ADIPOQ: variants seen among roughly 807,000 people sequenced by gnomAD.
The protein encoded by ADIPOQ is adiponectin, C1Q and collagen domain containing.
In ADIPOQ, 19 loss-of-function variants were observed where a neutral mutation model predicts 16.1. The ratio of observed to expected loss-of-function variants is 1.18; its 90% CI spans 0.82 to 1.73. The LOEUF is 1.73. Ranked by LOEUF, ADIPOQ falls within the 40% of genes most tolerant of loss-of-function variation. The probability of loss-of-function intolerance (pLI) is 0.00; values close to 1 mark genes in which losing one functional copy is unlikely to be tolerated. For missense variants in ADIPOQ, 323 were observed against 308.3 expected (o/e 1.05, Z -0.36); for synonymous variants, 124 against 125.5 (o/e 0.99, Z 0.08).
Position 186,857,402 on chromosome 3 carries a change from T to C in ADIPOQ, c.*2698T>C, listed in dbSNP as rs1306494849. On this transcript the variant is annotated 3_prime_UTR_variant, in exon 3 of 3. Coordinates refer to ENST00000320741, the MANE Select transcript of ADIPOQ (RefSeq NM_004797.4). ...CACAACAAACTCTTAATGCTGTGTT[T>C]GAGCTTTCATGAGTTTCCCAGAGAG... The C allele has an allele frequency of 6.6e-6, 1 of 152,238 alleles. No homozygotes were observed. The highest frequency in any genetic ancestry group is 1.5e-5 in the Non-Finnish European group (1 of 68,040). The allele number at this position is 152,238 out of a possible 1,614,324, so 9.4% of individuals were successfully genotyped here. A position where few individuals can be genotyped will look rare whatever the true frequency, so the allele number is the denominator to read the frequency against.
chr3:186,845,162 G>A (rs1370712913), intron 1 of ADIPOQ, among the ~76,000 whole-genome samples: 1 of 151,642 alleles, frequency 6.6e-6, no homozygotes, highest in African/African-American at 2.4e-5. Context: ...GTGGGTGTGC[G>A]CGTGCATAGG....
intron 1 of ADIPOQ, among the ~76,000 whole-genome samples, chr3:186,844,754 T>TG (rs924740952): frequency 5.9e-5 from 9 of 151,936 alleles, no homozygotes; most frequent in East Asian, 3.9e-4. Context: ...CTATATTGGC[T>TG]GGGGGGCCTC....
rs1711928745 is a variant in ADIPOQ, at chr3:186,854,678, T to G, written c.709T>G (p.Phe237Val). 1 of 1,614,180 alleles carries G rather than the reference T, an allele frequency of 6.2e-7. No homozygotes were observed. The highest frequency in any genetic ancestry group is 2.2e-5 in the East Asian group (1 of 44,878). ...TGACAATGACTCCACCTTCACAGGC[T>G]TTCTTCTCTACCATGACACCAACTG... The part of the protein sequence containing the change: ...DNDNDSTFTG[F>V]LLYHDTN Residue 237 changes from phenylalanine to valine, a missense_variant, in exon 3 of 3, where the codon TTT becomes GTT. By Grantham distance (50) the Phe-to-Val change is conservative (BLOSUM62 -1). Transcript: ENST00000320741.
chr3:186,854,390 A>G lies in ADIPOQ; in HGVS notation c.421A>G (p.Asn141Asp), dbSNP rs2108492146. Residue 141 changes from asparagine (N) to aspartate (D), a missense_variant, in exon 3 of 3, where the codon AAC (asparagine) becomes GAC (aspartate). Asn to Asp is a conservative substitution (Grantham distance 23, BLOSUM62 1). Transcript: ENST00000320741. ...RFTKIFYNQQ[N>D]HYDGSTGKFH... ...TACCAAGATCTTCTACAATCAGCAA[A>G]ACCACTATGATGGCTCCACTGGTAA... 6.2e-7 allele frequency: 1 copy of G among 1,614,130 alleles called. No homozygotes were observed. The highest frequency in any genetic ancestry group is 1.6e-4 in the Middle Eastern group (1 of 6,062).
At chr3:186,851,861 T>TA (rs1711778003) in intron 1 of ADIPOQ, 1 of 131,678 alleles carries the variant, frequency 7.6e-6, no homozygotes, top group Non-Finnish European at 1.7e-5. Context: ...CACACTGCTG[T>TA]AAAAAACTAC....
intron 1 of ADIPOQ, among the ~76,000 whole-genome samples, chr3:186,843,917 C>G (rs1711513262): frequency 6.6e-6 from 1 of 152,002 alleles, no homozygotes; most frequent in Non-Finnish European, 1.5e-5. Context: ...TTAGGTCTGC[C>G]CCTCTTGTGT....
chr3:186,848,478 G>A (rs1711645940), intron 1 of ADIPOQ, among the ~76,000 whole-genome samples: 2 of 152,104 alleles, frequency 1.3e-5, no homozygotes, highest in Admixed American at 6.6e-5. Flanking sequence ...CTTCCAAATC[G>A]GTGAGCTTTC....
rs1351333805 is a variant in ADIPOQ, at chr3:186,856,643, G to C, written c.*1939G>C. On this transcript the variant is annotated 3_prime_UTR_variant, in exon 3 of 3. Transcript: ENST00000320741. ...ATTTTTGTATTTTTAGTAAAGACAG[G>C]GTTTCACCATATTGGCCAGGCTGGT... 2 of 152,008 alleles carry C rather than the reference G, an allele frequency of 1.3e-5. No homozygotes were observed. Among genetic ancestry groups the C allele is most frequent in the African/African-American group, 4.8e-5 (2 of 41,386 alleles). The allele number at this position is 152,008 out of a possible 1,614,324, so 9.4% of individuals were successfully genotyped here.
chr3:186,849,578 A>T (rs1711679400), intron 1 of ADIPOQ, among the ~76,000 whole-genome samples: 1 of 152,148 alleles, frequency 6.6e-6, no homozygotes. Context: ...CATATAAATG[A>T]TGGTAGTGGG....
chr3:186,857,811 T>C lies in ADIPOQ; in HGVS notation c.*3107T>C, dbSNP rs1053138229. 1.3e-5 allele frequency: 2 copies of C among 152,236 alleles called. No individual in the cohort carries two copies. The highest frequency in any genetic ancestry group is 4.1e-4 in the South Asian group (2 of 4,832). 9.4% of individuals were successfully genotyped at this position (152,236 alleles called of 1,614,324 possible). ...TGGTGCATTTACTCTCTTATCATTA[T>C]GTAATGTCCTTCTTTATCTGTGATA... On this transcript the variant is annotated 3_prime_UTR_variant, in exon 3 of 3. Coordinates refer to ENST00000320741, the MANE Select transcript of ADIPOQ (RefSeq NM_004797.4).
intron 2 of ADIPOQ, among the ~76,000 whole-genome samples, chr3:186,853,565 T>G (rs1711867345): frequency 6.6e-6 from 1 of 152,204 alleles, no homozygotes; most frequent in African/African-American, 2.4e-5. Context: ...TCTTTCTGTC[T>G]GCTTAACTTC....
At chr3:186,848,536 T>C (rs1001383146) in intron 1 of ADIPOQ, among the ~76,000 whole-genome samples, 3 of 152,188 alleles carry the variant, frequency 2.0e-5, no homozygotes, top group African/African-American at 7.2e-5. Context: ...CTTCTCAGAC[T>C]CAGCTTCCTA....
Position 186,853,334 on chromosome 3 carries a change from G to C in ADIPOQ, c.214+62G>C, listed in dbSNP as rs1501299. 55 of 1,525,568 alleles carry C rather than the reference G, an allele frequency of 3.6e-5. 1 individual carries two copies. Among genetic ancestry groups the C allele is most frequent in the Non-Finnish European group, 2.7e-6 (3 of 1,123,922 alleles). The allele number at this position is 1,525,568 out of a possible 1,614,324, so 94.5% of individuals were successfully genotyped here. A position where few individuals can be genotyped will look rare whatever the true frequency, so the allele number is the denominator to read the frequency against. Reference sequence around the variant, plus strand: ...CTACACTGATATAAACTATATGAAGGCATTCATTATTAACTAAGGCCTAGA... The same window carrying C: ...CTACACTGATATAAACTATATGAAGCCATTCATTATTAACTAAGGCCTAGA... On this transcript the variant is annotated intron_variant, in intron 2 of 2. Coordinates refer to ENST00000320741, the MANE Select transcript of ADIPOQ (RefSeq NM_004797.4).
intron 1 of ADIPOQ, among the ~76,000 whole-genome samples, chr3:186,844,413 G>A (rs1470007298): frequency 6.6e-6 from 1 of 151,512 alleles, no homozygotes; most frequent in East Asian, 1.9e-4. Flanking sequence ...CCAAAGTGCT[G>A]GTATTACAGG....
At chr3:186,846,606 C>T (rs575205903) in intron 1 of ADIPOQ, among the ~76,000 whole-genome samples, 33 of 152,262 alleles carry the variant, frequency 2.2e-4, no homozygotes, top group Middle Eastern at 3.4e-3. Context: ...TTCCCCCACA[C>T]GGCTCTGCCT....
Position 186,856,103 on chromosome 3 carries a change from A to C in ADIPOQ, c.*1399A>C, listed in dbSNP as rs1178190109. On this transcript the variant is annotated 3_prime_UTR_variant, in exon 3 of 3. Coordinates refer to ENST00000320741, the MANE Select transcript of ADIPOQ (RefSeq NM_004797.4). ...AACACGTCCAGAATTTTTCATCAAG[A>C]AGGTAGCTTGAGCCTGAAATGCAAA... 1 of 152,220 alleles carries C rather than the reference A, an allele frequency of 6.6e-6. No individual in the cohort carries two copies. Among genetic ancestry groups the C allele is most frequent in the Admixed American group, 6.5e-5 (1 of 15,288 alleles). 9.4% of individuals were successfully genotyped at this position (152,220 alleles called of 1,614,324 possible). A position where few individuals can be genotyped will look rare whatever the true frequency, so the allele number is the denominator to read the frequency against.
Position 186,855,978 on chromosome 3 carries a change from A to G in ADIPOQ, c.*1274A>G, listed in dbSNP as rs548480496. On this transcript the variant is annotated 3_prime_UTR_variant, in exon 3 of 3. Transcript: ENST00000320741. Reference sequence around the variant, plus strand: ...TGTAATCAGTTTTATCCACAGAAACATTTTCATTTTAGGAAATCCCTGGTT... The same window carrying G: ...TGTAATCAGTTTTATCCACAGAAACGTTTTCATTTTAGGAAATCCCTGGTT... 1 of 152,354 alleles carries G rather than the reference A, an allele frequency of 6.6e-6. No homozygotes were observed. Among genetic ancestry groups the G allele is most frequent in the East Asian group, 1.9e-4 (1 of 5,188 alleles). 9.4% of individuals were successfully genotyped at this position (152,354 alleles called of 1,614,324 possible). A position where few individuals can be genotyped will look rare whatever the true frequency, so the allele number is the denominator to read the frequency against.
intron 1 of ADIPOQ, chr3:186,845,602 C>T (rs534011988): frequency 6.6e-6 from 1 of 152,118 alleles, no homozygotes; most frequent in South Asian, 2.1e-4. Flanking sequence ...AAACTCCTGA[C>T]ATCAGGTAAT....
At chr3:186,853,578 T>A (rs538279972) in intron 2 of ADIPOQ, among the ~76,000 whole-genome samples, 71 of 152,246 alleles carry the variant, frequency 4.7e-4, no homozygotes, top group African/African-American at 1.5e-3. Flanking sequence ...TTAACTTCCA[T>A]TTCACCCAGT....
Sources: gnomAD v4.1 joint callset for allele counts (sites outside exome capture counted in the v4.1 genomes callset) on GRCh38, gnomAD v4.1.1 for gene constraint, MANE v1.5 for transcripts, NCBI Gene and HGNC (gene_info 2026-07-23, HGNC 2026-07-21) for gene names.